FRMPD4: variants seen among roughly 807,000 people sequenced by gnomAD.
The protein encoded by FRMPD4 is FERM and PDZ domain containing 4.
FRMPD4 carries 22 observed loss-of-function variants against 94.1 expected under a neutral mutation model. The observed-to-expected ratio is 0.23, with a 90% confidence interval of 0.17 to 0.33. FRMPD4 has a LOEUF of 0.33. Ranked by LOEUF, FRMPD4 falls within the 10% of genes least tolerant of loss-of-function variation. FRMPD4 has a pLI of 1.00. For synonymous variants in FRMPD4, 631 were observed against 548.6 expected, an observed-to-expected ratio of 1.15 and a Z score of -2.10; for missense variants, 1,111 against 1,339.9, an observed-to-expected ratio of 0.83 and a Z score of 2.67.
In FRMPD4 at chrX:12,635,845, G is replaced by A. The variant is rs187739783; in HGVS notation, c.422+20964G>A. Among the ~76,000 whole-genome samples, 3 of 111,718 alleles carry A rather than the reference G, an allele frequency of 2.7e-5. No homozygotes were observed. The East Asian group carries it at 8.4e-4, about 31-fold the overall frequency. On this transcript the variant is annotated intron_variant, in intron 4 of 16. Coordinates refer to ENST00000675598, the MANE Select transcript of FRMPD4 (RefSeq NM_001368397.1). Reference sequence around the variant, plus strand: ...TGGAAAGTTGTGAACAGAATCATAGGTTAGAGAACAGTATATAAATGGTCA... The same window carrying A: ...TGGAAAGTTGTGAACAGAATCATAGATTAGAGAACAGTATATAAATGGTCA...
intron 1 of FRMPD4, among the ~76,000 whole-genome samples, chrX:12,355,344 A>C (rs1317098230): frequency 1.8e-5 from 2 of 110,422 alleles, no homozygotes; most frequent in Non-Finnish European, 3.8e-5. Context: ...AAGCCTGGCT[A>C]ATGTTTTGTA....
intron 3 of FRMPD4, among the ~76,000 whole-genome samples, chrX:12,121,763 G>T (rs1199271901): frequency 1.8e-5 from 2 of 111,720 alleles, no homozygotes; most frequent in Non-Finnish European, 3.8e-5. Context: ...TTCCTGTGCT[G>T]CAGGGAATCT....
intron 2 of FRMPD4, among the ~76,000 whole-genome samples, chrX:12,587,739 A>G (rs1433188315): frequency 9.0e-6 from 1 of 110,600 alleles, no homozygotes; most frequent in Non-Finnish European, 1.9e-5. Context: ...CTTAGTTCTC[A>G]TGAATAGTGT....
At chrX:11,964,755 T>C (rs895516266) in intron 3 of FRMPD4, among the ~76,000 whole-genome samples, 4 of 112,782 alleles carry the variant, frequency 3.5e-5, no homozygotes, top group African/African-American at 9.7e-5. Context: ...TACCACAAAT[T>C]TGGTGGTTTA....
In FRMPD4 at chrX:12,690,397, C is replaced by T; in HGVS notation, c.813+71C>T. The stretch of plus-strand genomic sequence containing the variant: ...AGAGGTTGCCCAGTCCAAGATTTCT[C>T]CCCCACTCTAATCCTGTAAATGTAT... On this transcript the variant is annotated intron_variant, in intron 8 of 16. Transcript: ENST00000675598. 3 of 925,897 alleles carry T rather than the reference C, an allele frequency of 3.2e-6. No individual in the cohort carries two copies. In the Admixed American group the frequency reaches 7.2e-5, roughly 22 times the overall value. The allele number at this position is 925,897 out of a possible 1,213,427, so 76.3% of individuals were successfully genotyped here.
chrX:11,993,567 G>A (rs1232292666), intron 3 of FRMPD4, among the ~76,000 whole-genome samples: 1 of 111,937 alleles, frequency 8.9e-6, no homozygotes, highest in East Asian at 2.8e-4. Context: ...GAAATAGAGA[G>A]TACAAAAACA....
intron 1 of FRMPD4, among the ~76,000 whole-genome samples, chrX:12,174,691 C>T (rs966438190): frequency 4.5e-5 from 5 of 111,280 alleles, no homozygotes; most frequent in Non-Finnish European, 9.4e-5. Context: ...ATAACAAACA[C>T]AGAGACCCCA....
chrX:11,953,307 CT>C (rs1187379538), intron 3 of FRMPD4, among the ~76,000 whole-genome samples: 6 of 111,265 alleles, frequency 5.4e-5, no homozygotes, highest in Non-Finnish European at 9.4e-5. Context: ...AGAAGGGAAA[CT>C]TTTTTTTAAC....
intron 1 of FRMPD4, among the ~76,000 whole-genome samples, chrX:12,198,972 A>G (rs900118642): frequency 8.9e-6 from 1 of 111,766 alleles, no homozygotes; most frequent in African/African-American, 3.3e-5. Flanking sequence ...GAATTTTTAG[A>G]TTGTCTCTAG....
At chrX:12,068,769 G>A (rs1209716070) in intron 3 of FRMPD4, among the ~76,000 whole-genome samples, 3 of 112,037 alleles carry the variant, frequency 2.7e-5, no homozygotes, top group Non-Finnish European at 5.6e-5. Flanking sequence ...TTGATTAATG[G>A]ATTGAATGCT....
intron 3 of FRMPD4, among the ~76,000 whole-genome samples, chrX:11,911,273 C>T (rs976434639): frequency 8.9e-6 from 1 of 112,291 alleles, no homozygotes; most frequent in Non-Finnish European, 1.9e-5. Flanking sequence ...TTTGCCCTGT[C>T]TCAATTCAAA....
chrX:12,236,088 TG>T (rs1158522899), intron 1 of FRMPD4, among the ~76,000 whole-genome samples: 3 of 112,085 alleles, frequency 2.7e-5, no homozygotes, highest in Non-Finnish European at 5.6e-5. Flanking sequence ...ATTCTCTCTG[TG>T]GTTTTTGAAT....
intron 1 of FRMPD4, among the ~76,000 whole-genome samples, chrX:12,384,947 C>G (rs1322606645): frequency 4.5e-5 from 5 of 112,320 alleles, no homozygotes; most frequent in African/African-American, 1.6e-4. Context: ...GGCTGTCCCA[C>G]TTCTTCCAAC....
At chrX:12,078,076 C>T (rs1243238174) in intron 3 of FRMPD4, among the ~76,000 whole-genome samples, 2 of 111,302 alleles carry the variant, frequency 1.8e-5, no homozygotes, top group Admixed American at 9.6e-5. Flanking sequence ...TCCCTCAGGC[C>T]GTTGGGAGAA....
intron 3 of FRMPD4, among the ~76,000 whole-genome samples, chrX:11,926,269 A>AG (rs141860128): frequency 0.24 from 24,095 of 99,085 alleles, 2,997 homozygotes; most frequent in East Asian, 0.63. Context: ...AAAAAAAAAA[A>AG]AAAAAAAAAA....
intron 1 of FRMPD4, among the ~76,000 whole-genome samples, chrX:12,269,798 T>A (rs2054327928): frequency 8.9e-6 from 1 of 112,005 alleles, no homozygotes; most frequent in Non-Finnish European, 1.9e-5. Flanking sequence ...TACCTAATGC[T>A]GCTGAAGCTG....
At chrX:12,003,280 A>G (rs772048991) in intron 3 of FRMPD4, among the ~76,000 whole-genome samples, 3 of 111,915 alleles carry the variant, frequency 2.7e-5, no homozygotes, top group South Asian at 3.8e-4. Context: ...TAAAATAGGG[A>G]TATAATAGGA....
At chrX:12,459,163 G>C (rs766752550) in intron 1 of FRMPD4, among the ~76,000 whole-genome samples, 19 of 110,303 alleles carry the variant, frequency 1.7e-4, no homozygotes, top group Non-Finnish European at 3.0e-4. Context: ...CCTCAAGCGT[G>C]GGGATTTGTC....
intron 2 of FRMPD4, among the ~76,000 whole-genome samples, chrX:11,875,452 G>A: frequency 9.0e-6 from 1 of 111,608 alleles, no homozygotes. Flanking sequence ...AATAGATCTG[G>A]AAAACAGGCT....
Sources: gnomAD v4.1 joint callset for allele counts (sites outside exome capture counted in the v4.1 genomes callset) on GRCh38, gnomAD v4.1.1 for gene constraint, MANE v1.5 for transcripts, NCBI Gene and HGNC (gene_info 2026-07-23, HGNC 2026-07-21) for gene names.